SGCD: variants seen among roughly 807,000 people sequenced by gnomAD.
SGCD encodes delta-sarcoglycan.
SGCD carries 18 observed loss-of-function variants against 36.6 expected under a neutral mutation model. The observed-to-expected ratio is 0.49, with a 90% CI of 0.34 to 0.73. SGCD has a LOEUF of 0.73. Among genes scored for constraint, SGCD ranks in the 30% least tolerant of loss-of-function variants. The pLI is 0.01. For synonymous variants in SGCD, 133 were observed against 130.6 expected (o/e 1.02, Z -0.12); for missense variants, 387 against 346.7 (o/e 1.12, Z -0.92).
intron 3 of SGCD, among the ~76,000 whole-genome samples, chr5:156,134,461 G>C (rs544511839): frequency 6.6e-6 from 1 of 152,028 alleles, no homozygotes; most frequent in South Asian, 2.1e-4. Context: ...ACCAGCTTCA[G>C]TGAATGTCTC....
chr5:155,727,990 C>T, the SGCD span, among the ~76,000 whole-genome samples: 1 of 152,154 alleles, frequency 6.6e-6, no homozygotes, highest in East Asian at 1.9e-4. Flanking sequence ...ACTGATCTTG[C>T]GGAGTGGAGC....
At chr5:156,252,737 G>A (rs115553952) in intron 3 of SGCD, among the ~76,000 whole-genome samples, 1,593 of 152,292 alleles carry the variant, frequency 0.01, 26 homozygotes, top group African/African-American at 0.037. Context: ...AAATATTCAT[G>A]TGAAGTCTTA....
At position 156,763,731 on chromosome 5, in the gene SGCD, A is replaced by AG. The variant is rs886060306; in HGVS notation, c.*4342dup. On this transcript the variant is annotated 3_prime_UTR_variant, in exon 9 of 9. Coordinates refer to ENST00000337851, the MANE Select transcript of SGCD (RefSeq NM_000337.6). ...ACTCAATATCGCTTAAAAAAAAAAA[A>AG]GTATCAGCTAGGGATGACTCTGGAA... 2.6e-5 allele frequency: 4 copies of AG among 151,928 alleles called. No homozygotes were observed. The highest frequency in any genetic ancestry group is 6.6e-5 in the Admixed American group (1 of 15,246). The allele number at this position is 151,928 out of a possible 1,614,324, so 9.4% of individuals were successfully genotyped here.
rs762166854 is a variant in SGCD at position 156,703,788 on chromosome 5, TA to T, written c.576-53791del. On this transcript the variant is annotated intron_variant, in intron 7 of 8. Transcript: ENST00000337851. ...AAGTTCTGTGACAATATAGATCTTA[TA>T]ATTTTCTCCCACCATGTATTAATGC... 1.0e-3 allele frequency among the ~76,000 whole-genome samples: 152 copies of T among 152,328 alleles called. 1 individual carries two copies. Among genetic ancestry groups the T allele is most frequent in the Non-Finnish European group, 1.6e-3 (110 of 68,028 alleles).
intron 3 of SGCD, among the ~76,000 whole-genome samples, chr5:156,263,068 A>G (rs62383771): frequency 0.054 from 8,202 of 152,008 alleles, 252 homozygotes; most frequent in Non-Finnish European, 0.069. Context: ...TGGGTGTGCA[A>G]GTACCTTTTT....
chr5:155,804,999 C>T, the SGCD span, among the ~76,000 whole-genome samples: 1 of 152,100 alleles, frequency 6.6e-6, no homozygotes, highest in African/African-American at 2.4e-5. Context: ...GGCTTTTGAG[C>T]TCTTGGAGTG....
At chr5:156,135,293 A>G (rs1329019719) in intron 3 of SGCD, among the ~76,000 whole-genome samples, 1 of 151,870 alleles carries the variant, frequency 6.6e-6, no homozygotes, top group Non-Finnish European at 1.5e-5. Context: ...TTGTATTCAT[A>G]TTTTCCTCCT....
At chr5:156,667,206 T>A (rs1753083653) in intron 7 of SGCD, among the ~76,000 whole-genome samples, 1 of 152,200 alleles carries the variant, frequency 6.6e-6, no homozygotes, top group Admixed American at 6.5e-5. Flanking sequence ...TAAAGGATCC[T>A]CATTCTGTAT....
the SGCD span, among the ~76,000 whole-genome samples, chr5:155,851,442 G>A: frequency 1.3e-5 from 2 of 152,060 alleles, no homozygotes; most frequent in Non-Finnish European, 2.9e-5. Flanking sequence ...TGGCTGCCTC[G>A]AGCAACTCAT....
intron 4 of SGCD, among the ~76,000 whole-genome samples, chr5:156,516,629 C>T (rs1178407454): frequency 2.6e-5 from 4 of 152,118 alleles, no homozygotes; most frequent in Admixed American, 2.6e-4. Flanking sequence ...ATTGCAGCAC[C>T]TTTCTAGCAA....
intron 2 of SGCD, among the ~76,000 whole-genome samples, chr5:156,121,366 C>G (rs930305934): frequency 3.3e-5 from 5 of 152,116 alleles, no homozygotes; most frequent in African/African-American, 1.2e-4. Context: ...CATCATCTCT[C>G]TTTTATAGAA....
chr5:156,085,741 G>T (rs1385440315), intron 1 of SGCD, among the ~76,000 whole-genome samples: 1 of 152,150 alleles, frequency 6.6e-6, no homozygotes, highest in East Asian at 1.9e-4. Context: ...GACACTATCT[G>T]GGCCTGGAGA....
chr5:155,758,206 A>AAAAC, the SGCD span, among the ~76,000 whole-genome samples: 5 of 152,180 alleles, frequency 3.3e-5, no homozygotes, highest in Non-Finnish European at 7.3e-5. Flanking sequence ...AAAAGGAAAC[A>AAAAC]AAACAAACAA....
chr5:156,607,262 T>C (rs953835125), intron 6 of SGCD, among the ~76,000 whole-genome samples: 4 of 152,212 alleles, frequency 2.6e-5, no homozygotes, highest in Non-Finnish European at 4.4e-5. Flanking sequence ...TGAAGCATTG[T>C]TGAATTTTGT....
At chr5:156,319,189 G>C (rs1216829966) in intron 3 of SGCD, among the ~76,000 whole-genome samples, 4 of 152,144 alleles carry the variant, frequency 2.6e-5, no homozygotes, top group Non-Finnish European at 5.9e-5. Flanking sequence ...AACAGTTTCT[G>C]CTAATTATGA....
At chr5:155,787,566 A>C in the SGCD span, among the ~76,000 whole-genome samples, 244 of 152,262 alleles carry the variant, frequency 1.6e-3, 1 homozygote, top group African/African-American at 5.7e-3. Flanking sequence ...AGGTGTTTCA[A>C]CAGGATAGTA....
chr5:155,816,509 A>G, the SGCD span, among the ~76,000 whole-genome samples: 22 of 152,264 alleles, frequency 1.4e-4, no homozygotes, highest in South Asian at 4.1e-3. Context: ...GGAAAAGGAG[A>G]GTTTCGTCTT....
chr5:156,017,627 C>T (rs1487053291), intron 1 of SGCD, among the ~76,000 whole-genome samples: 3 of 151,968 alleles, frequency 2.0e-5, no homozygotes, highest in Admixed American at 6.6e-5. Flanking sequence ...GTAAGAAATT[C>T]AATGATTTTA....
At chr5:155,891,403 T>C (rs193282120) in intron 1 of SGCD, among the ~76,000 whole-genome samples, 6 of 152,180 alleles carry the variant, frequency 3.9e-5, no homozygotes, top group African/African-American at 1.4e-4. Flanking sequence ...CATTCGTAAA[T>C]TAAAGAAGTT....
Sources: allele counts gnomAD v4.1 joint callset (sites outside exome capture counted in the v4.1 genomes callset), GRCh38; gene constraint gnomAD v4.1.1; transcripts MANE v1.5; gene names NCBI Gene and HGNC (gene_info 2026-07-23, HGNC 2026-07-21).